NAV3: variants seen among roughly 807,000 people sequenced by gnomAD.
NAV3 encodes the protein pore membrane and/or filament interacting like protein 1.
In NAV3, 87 loss-of-function variants were observed where a neutral mutation model predicts 244.7. That is an observed-to-expected ratio of 0.36 (90% confidence interval 0.30 to 0.42). The LOEUF is 0.42. NAV3 is among the 20% of genes least tolerant of loss of function. NAV3 has a pLI of 1.00. For missense variants in NAV3, 2,663 were observed against 2,893.3 expected (o/e 0.92, Z 1.83); for synonymous variants, 1,126 against 1,042.2 (o/e 1.08, Z -1.55).
intron 7 of NAV3, among the ~76,000 whole-genome samples, chr12:78,001,665 A>G (rs1337093000): frequency 6.6e-6 from 1 of 152,208 alleles, no homozygotes; most frequent in African/African-American, 2.4e-5. Flanking sequence ...TTGAAAAAAT[A>G]GTGTGCTCGT....
intron 1 of NAV3, among the ~76,000 whole-genome samples, chr12:77,924,695 G>C (rs1166726460): frequency 6.6e-6 from 1 of 152,088 alleles, no homozygotes; most frequent in African/African-American, 2.4e-5. Context: ...AAGTAAATTA[G>C]TTTCTGTGTC....
At chr12:78,177,430 A>T (rs1958283460) in intron 27 of NAV3, 117 bp downstream of exon 27, 3 of 1,213,246 alleles carry the variant, frequency 2.5e-6, no homozygotes, top group Non-Finnish European at 3.4e-6. Flanking sequence ...TCTGAGAATG[A>T]TGGACAGCAT....
chr12:77,833,717 T>C (rs1274801279), intron 1 of NAV3, among the ~76,000 whole-genome samples: 1 of 152,100 alleles, frequency 6.6e-6, no homozygotes, highest in Non-Finnish European at 1.5e-5. Flanking sequence ...TCCGGAAAAA[T>C]CGAGTCACAT....
At chr12:78,188,367 T>C (rs747045101) in intron 32 of NAV3, 24 bp downstream of exon 32, 8 of 1,542,920 alleles carry the variant, frequency 5.2e-6, no homozygotes, top group African/African-American at 4.1e-5. Flanking sequence ...GACACCCTAA[T>C]AGTACTTTTC....
At chr12:77,687,921 C>A (rs1874830596) in intron 2 of NAV3, among the ~76,000 whole-genome samples, 1 of 152,018 alleles carries the variant, frequency 6.6e-6, no homozygotes, top group African/African-American at 2.4e-5. Context: ...ACAATTTAAT[C>A]CATGTCTTGT....
At chr12:77,718,267 C>A (rs1876453207) in intron 2 of NAV3, among the ~76,000 whole-genome samples, 1 of 152,122 alleles carries the variant, frequency 6.6e-6, no homozygotes, top group Non-Finnish European at 1.5e-5. Flanking sequence ...TACAATAAGG[C>A]TCAAATTTTA....
Position 78,119,221 on chromosome 12 carries a change from AT to A in NAV3, c.3041-13del. On this transcript the variant is annotated splice_polypyrimidine_tract_variant and intron_variant, in intron 14 of 39. Coordinates refer to ENST00000397909, the MANE Select transcript of NAV3 (RefSeq NM_001024383.2). ...ACTCTACAGGCACATATATTTGTGT[AT>A]TTCTCCTTAATTAGGGAAAACCGAT... is the stretch of plus-strand genomic sequence containing the variant. 2 of 1,601,972 alleles carry A rather than the reference AT, an allele frequency of 1.2e-6. No individual in the cohort carries two copies. The highest frequency in any genetic ancestry group is 1.7e-6 in the Non-Finnish European group (2 of 1,174,910).
intron 2 of NAV3, among the ~76,000 whole-genome samples, chr12:77,724,727 CAAA>C (rs983487118): frequency 6.6e-6 from 1 of 150,800 alleles, no homozygotes; most frequent in Non-Finnish European, 1.5e-5. Flanking sequence ...TGACCATGGG[CAAA>C]AAAAGCAGGA....
chr12:77,759,997 A>G (rs1333228529), intron 2 of NAV3, among the ~76,000 whole-genome samples: 3 of 152,216 alleles, frequency 2.0e-5, no homozygotes, highest in African/African-American at 7.2e-5. Context: ...TTTTCTTTCT[A>G]GGATCAGTTA....
chr12:77,771,863 G>C (rs554408828), intron 2 of NAV3, among the ~76,000 whole-genome samples: 6 of 152,030 alleles, frequency 3.9e-5, no homozygotes, highest in African/African-American at 1.4e-4. Flanking sequence ...GTATACATAT[G>C]TAACAAACCT....
chr12:77,574,486 G>A (rs1407083830), intron 2 of NAV3, among the ~76,000 whole-genome samples: 1 of 152,110 alleles, frequency 6.6e-6, no homozygotes, highest in Non-Finnish European at 1.5e-5. Context: ...AGATTAGAAG[G>A]TCATTTATTT....
chr12:77,613,693 A>C (rs892323016), intron 2 of NAV3, among the ~76,000 whole-genome samples: 4 of 152,152 alleles, frequency 2.6e-5, no homozygotes, highest in Admixed American at 2.6e-4. Flanking sequence ...GTAGTGTGTG[A>C]AGAAAAATGG....
chr12:77,766,878 C>A (rs1435213892), intron 2 of NAV3, among the ~76,000 whole-genome samples: 1 of 150,886 alleles, frequency 6.6e-6, no homozygotes, highest in African/African-American at 2.4e-5. Context: ...CCTCATCCTC[C>A]TGAGTAGCTG....
At chr12:77,689,255 A>G (rs1874896068) in intron 2 of NAV3, among the ~76,000 whole-genome samples, 1 of 151,992 alleles carries the variant, frequency 6.6e-6, no homozygotes, top group South Asian at 2.1e-4. Flanking sequence ...AGTCTCAGAA[A>G]GCTCAACATT....
chr12:77,647,855 A>G (rs911006118), intron 2 of NAV3, among the ~76,000 whole-genome samples: 1 of 152,106 alleles, frequency 6.6e-6, no homozygotes, highest in African/African-American at 2.4e-5. Flanking sequence ...TACCATTCCT[A>G]TAACATATAA....
intron 2 of NAV3, among the ~76,000 whole-genome samples, chr12:77,778,351 T>G (rs1007254260): frequency 2.6e-5 from 4 of 151,176 alleles, no homozygotes; most frequent in East Asian, 2.0e-4. Flanking sequence ...GGTGGCTCAC[T>G]CCTGTAATCC....
intron 7 of NAV3, among the ~76,000 whole-genome samples, chr12:78,001,116 T>A (rs1259580125): frequency 6.6e-6 from 1 of 152,194 alleles, no homozygotes; most frequent in Non-Finnish European, 1.5e-5. Flanking sequence ...CATCTGGTGA[T>A]GAGTTGACCT....
At position 77,607,563 on chromosome 12, in the gene NAV3, CT is replaced by C. The variant is rs763179349; in HGVS notation, c.72+35298del. ...AGGAGATGGACGTTTCTTAAATTGC[CT>C]AAGAGAGGGGATTGTAGCCAGGTAG... On this transcript the variant is annotated intron_variant, in intron 2 of 8. Coordinates refer to the NAV3 transcript ENST00000550042. Among the ~76,000 whole-genome samples, 5 of 152,114 alleles carry C rather than the reference CT, an allele frequency of 3.3e-5. No homozygotes were observed. In the East Asian group the frequency reaches 7.7e-4, roughly 24 times the overall value.
chr12:77,573,600 G>T (rs1592464208), intron 2 of NAV3, among the ~76,000 whole-genome samples: 1 of 152,274 alleles, frequency 6.6e-6, no homozygotes, highest in East Asian at 1.9e-4. Flanking sequence ...ACCCAGAGGA[G>T]ATGTCACAGT....
Sources: allele counts gnomAD v4.1 joint callset (sites outside exome capture counted in the v4.1 genomes callset), GRCh38; gene constraint gnomAD v4.1.1; transcripts MANE v1.5; gene names NCBI Gene and HGNC (gene_info 2026-07-23, HGNC 2026-07-21).